The following PACRG variants were observed in gnomAD, a reference collection of about 807,000 sequenced individuals.
The protein encoded by PACRG is parkin coregulated gene protein.
In PACRG, 29 loss-of-function variants were observed where a neutral mutation model predicts 29.7. The ratio of observed to expected loss-of-function variants is 0.98; its 90% CI spans 0.73 to 1.33. The LOEUF is 1.33. Ranked by LOEUF, PACRG falls within the 40% of genes most tolerant of loss-of-function variation. The pLI, the probability that PACRG is intolerant of heterozygous loss-of-function variation, is 0.00. For missense variants in PACRG, 279 were observed against 316.2 expected, an observed-to-expected ratio of 0.88 and a Z score of 0.89; for synonymous variants, 116 against 118.7, an observed-to-expected ratio of 0.98 and a Z score of 0.15.
rs1584958649 is a variant in PACRG, at chr6:162,994,385, G to C, written c.292-67765G>C. Among the ~76,000 whole-genome samples, 5 of 149,152 alleles carry C rather than the reference G, an allele frequency of 3.4e-5. No homozygotes were observed. In the South Asian group the frequency reaches 1.1e-3, roughly 32 times the overall value. On this transcript the variant is annotated intron_variant, in intron 2 of 4. Transcript: ENST00000366888. ...GCATCACTTTCAGGTACACCAATCA[G>C]ACGTAGATTTGGTCTTTTCACATAG... is the stretch of plus-strand genomic sequence containing the variant.
At chr6:162,804,907 A>G (rs941866222) in intron 1 of PACRG, among the ~76,000 whole-genome samples, 5 of 152,210 alleles carry the variant, frequency 3.3e-5, no homozygotes, top group Non-Finnish European at 7.3e-5. Flanking sequence ...AACATCATAC[A>G]GTGTACTTAC....
chr6:163,082,512 G>T (rs1813178578), intron 3 of PACRG, among the ~76,000 whole-genome samples: 1 of 151,988 alleles, frequency 6.6e-6, no homozygotes, highest in Admixed American at 6.6e-5. Context: ...AATAACAAAA[G>T]AAAAATATGC....
intron 1 of PACRG, among the ~76,000 whole-genome samples, chr6:162,798,746 CAT>C (rs1421210168): frequency 6.6e-6 from 1 of 152,108 alleles, no homozygotes; most frequent in Non-Finnish European, 1.5e-5. Flanking sequence ...TGTGGTTACT[CAT>C]ATGTCATCGT....
intron 2 of PACRG, among the ~76,000 whole-genome samples, chr6:162,938,216 G>A (rs1425073006): frequency 6.6e-6 from 1 of 152,122 alleles, no homozygotes; most frequent in African/African-American, 2.4e-5. Flanking sequence ...AGGTTGCTGT[G>A]AATGCCATTA....
chr6:163,173,128 C>T (rs762699247), intron 4 of PACRG, among the ~76,000 whole-genome samples: 32 of 152,190 alleles, frequency 2.1e-4, no homozygotes, highest in Admixed American at 4.6e-4. Context: ...TTAGGAAATA[C>T]ACCTGAGTGG....
At chr6:162,996,024 A>G (rs989774209) in intron 2 of PACRG, among the ~76,000 whole-genome samples, 2 of 152,186 alleles carry the variant, frequency 1.3e-5, no homozygotes, top group African/African-American at 4.8e-5. Context: ...TGCAAGAAGA[A>G]TAATTTCTGG....
chr6:163,199,098 G>C (rs995883922), intron 4 of PACRG, among the ~76,000 whole-genome samples: 2 of 152,178 alleles, frequency 1.3e-5, no homozygotes, highest in Non-Finnish European at 1.5e-5. Flanking sequence ...GCCCTAAGCC[G>C]TTCCCAGCTT....
chr6:162,959,370 A>T (rs186477327), intron 2 of PACRG, among the ~76,000 whole-genome samples: 74 of 152,064 alleles, frequency 4.9e-4, no homozygotes, highest in Non-Finnish European at 8.8e-4. Context: ...TTAAGTGAAG[A>T]CCTGAAAGAG....
At chr6:162,941,342 C>A (rs1005904080) in intron 2 of PACRG, among the ~76,000 whole-genome samples, 3 of 152,192 alleles carry the variant, frequency 2.0e-5, no homozygotes, top group African/African-American at 7.2e-5. Context: ...GTATCCAGCA[C>A]ATGACGTTCC....
intron 1 of PACRG, among the ~76,000 whole-genome samples, chr6:162,802,477 G>A (rs1562612118): frequency 6.6e-6 from 1 of 152,072 alleles, no homozygotes. Flanking sequence ...AATCCACTGC[G>A]GTTCCATAAG....
chr6:163,056,593 C>G (rs543452950), intron 2 of PACRG, among the ~76,000 whole-genome samples: 5 of 152,172 alleles, frequency 3.3e-5, no homozygotes, highest in South Asian at 4.2e-4. Context: ...ACCATTACCC[C>G]CCAGAAGCAG....
intron 2 of PACRG, among the ~76,000 whole-genome samples, chr6:163,027,851 C>T (rs371309952): frequency 4.7e-4 from 72 of 152,316 alleles, no homozygotes; most frequent in African/African-American, 1.7e-3. Context: ...TTCATGCGCC[C>T]ATGAAAATGG....
At chr6:162,868,670 C>T (rs1360271691) in intron 2 of PACRG, among the ~76,000 whole-genome samples, 2 of 152,192 alleles carry the variant, frequency 1.3e-5, no homozygotes, top group Non-Finnish European at 2.9e-5. Flanking sequence ...GCCTCCTTTC[C>T]GGCTCATCAC....
At chr6:163,019,455 G>A (rs1206920812) in intron 2 of PACRG, among the ~76,000 whole-genome samples, 1 of 152,120 alleles carries the variant, frequency 6.6e-6, no homozygotes, top group Non-Finnish European at 1.5e-5. Context: ...TTATCCCTTT[G>A]CTTTCCTCAG....
At position 163,068,864 on chromosome 6, in the gene PACRG, C is replaced by T. The variant is rs148284199; in HGVS notation, c.463+6543C>T. On this transcript the variant is annotated intron_variant, in intron 3 of 4. Transcript: ENST00000366888. ...GTGAATATTTATTATAGATTTGTAG[C>T]GCTTTTCTTTGTTTGGGGTGGGGGG... Among the ~76,000 whole-genome samples the T allele has an allele frequency of 4.6e-5, 7 of 151,262 alleles. No individual in the cohort carries two copies. In the East Asian group the frequency reaches 7.8e-4, roughly 17 times the overall value.
At chr6:163,110,593 T>C (rs1028401680) in intron 4 of PACRG, among the ~76,000 whole-genome samples, 1 of 152,132 alleles carries the variant, frequency 6.6e-6, no homozygotes, top group Non-Finnish European at 1.5e-5. Flanking sequence ...CTCCCAGTGG[T>C]CACATTGCTG....
chr6:163,207,376 A>G (rs1780948924), intron 4 of PACRG, among the ~76,000 whole-genome samples: 1 of 152,242 alleles, frequency 6.6e-6, no homozygotes, highest in Non-Finnish European at 1.5e-5. Context: ...ACAAATGATC[A>G]ATGAGCAAAG....
chr6:162,788,123 C>T (rs1030180247), intron 1 of PACRG, among the ~76,000 whole-genome samples: 3 of 152,006 alleles, frequency 2.0e-5, no homozygotes, highest in African/African-American at 7.3e-5. Context: ...ACGTATCATA[C>T]AGAGTTTTTT....
chr6:163,169,776 C>A (rs1778984800), intron 4 of PACRG, among the ~76,000 whole-genome samples: 1 of 152,234 alleles, frequency 6.6e-6, no homozygotes, highest in East Asian at 1.9e-4. Flanking sequence ...ACTTGGGGAG[C>A]GCCTTCTTCT....
Sources: gnomAD v4.1 joint callset for allele counts (sites outside exome capture counted in the v4.1 genomes callset) on GRCh38, gnomAD v4.1.1 for gene constraint, MANE v1.5 for transcripts, NCBI Gene and HGNC (gene_info 2026-07-23, HGNC 2026-07-21) for gene names.